Variants in IFRD1 observed in about 807,000 individuals in gnomAD.
The protein encoded by IFRD1 is interferon-related developmental regulator 1.
A neutral mutation model predicts 52.9 loss-of-function variants in IFRD1; 35 were observed. The observed-to-expected ratio is 0.66, with a 90% CI of 0.51 to 0.88. IFRD1 has a LOEUF of 0.88. Among genes scored for constraint, IFRD1 ranks in the 40% least tolerant of loss-of-function variants. IFRD1 has a pLI of 0.00. For synonymous variants in IFRD1, 184 were observed against 188.4 expected, an observed-to-expected ratio of 0.98 and a Z score of 0.19; for missense variants, 517 against 550.8, an observed-to-expected ratio of 0.94 and a Z score of 0.61.
intron 9 of IFRD1, among the ~76,000 whole-genome samples, chr7:112,470,868 A>G (rs1584502477): frequency 6.6e-6 from 1 of 152,244 alleles, no homozygotes; most frequent in Non-Finnish European, 1.5e-5. Context: ...CATGTTCAGT[A>G]TAGTTGCAAT....
intron 11 of IFRD1, among the ~76,000 whole-genome samples, chr7:112,473,815 C>T (rs568063852): frequency 6.6e-6 from 1 of 152,196 alleles, no homozygotes; most frequent in East Asian, 1.9e-4. Context: ...AGTTCAGTGG[C>T]ACTTATTACA....
chr7:112,471,043 C>T (rs114752278), intron 9 of IFRD1, among the ~76,000 whole-genome samples: 60 of 152,198 alleles, frequency 3.9e-4, no homozygotes, highest in African/African-American at 1.4e-3. Context: ...GGTAAGGATG[C>T]TGATGACTTT....
rs1394616214 is a variant in IFRD1 at position 112,462,362 on chromosome 7, C to T, written c.890C>T (p.Ala297Val). 1 of 1,608,984 alleles carries T rather than the reference C, an allele frequency of 6.2e-7. No individual in the cohort carries two copies. The highest frequency in any genetic ancestry group is 1.1e-5 in the South Asian group (1 of 90,952). ...TCTTTGGCACTTCTCTTTGAATTGGCCAGAGGAATAGAGAGTGTAAGTATC... is the reference window on the plus strand; with the variant it reads ...TCTTTGGCACTTCTCTTTGAATTGGTCAGAGGAATAGAGAGTGTAAGTATC... ...GESLALLFEL[A>V]RGIESDFFYE... The change falls in exon 8 of 12, where the codon GCC (alanine) becomes GTC (valine). Residue 297 changes from alanine to valine, a missense_variant. Physicochemically the swap from Ala to Val is moderately conservative, Grantham distance 64. Coordinates refer to ENST00000403825, the MANE Select transcript of IFRD1 (RefSeq NM_001550.4).
chr7:112,464,988 A>G (rs1327389306), intron 8 of IFRD1, among the ~76,000 whole-genome samples: 3 of 152,212 alleles, frequency 2.0e-5, no homozygotes, highest in South Asian at 4.1e-4. Context: ...GTGTAAAAAT[A>G]TCTCCATACC....
intron 11 of IFRD1, among the ~76,000 whole-genome samples, 174 bp downstream of exon 11, chr7:112,473,035 T>C (rs1438406017): frequency 1.4e-5 from 1 of 69,132 alleles, no homozygotes; most frequent in Non-Finnish European, 3.8e-5. Flanking sequence ...GGGGCGTGTG[T>C]GTGTGTGTGT....
intron 1 of IFRD1, among the ~76,000 whole-genome samples, chr7:112,439,490 T>C (rs770228401): frequency 6.6e-6 from 1 of 152,180 alleles, no homozygotes; most frequent in Non-Finnish European, 1.5e-5. Context: ...ATTAAAAGCA[T>C]TTATTATAAT....
intron 5 of IFRD1, chr7:112,461,403 T>G (rs942005618): frequency 2.0e-5 from 3 of 153,424 alleles, no homozygotes; most frequent in African/African-American, 7.2e-5. Context: ...GCTTTCTATC[T>G]TTGAATTACA....
intron 9 of IFRD1, among the ~76,000 whole-genome samples, chr7:112,471,090 C>CTTAATGT (rs1795733145): frequency 6.6e-6 from 1 of 152,094 alleles, no homozygotes. Context: ...TTCTTGGTGC[C>CTTAATGT]TTAATGTTTT....
chr7:112,448,073 T>C (rs919256326), upstream of IFRD1, among the ~76,000 whole-genome samples: 2 of 150,888 alleles, frequency 1.3e-5, no homozygotes, highest in African/African-American at 2.4e-5. Flanking sequence ...ACACTTCCTT[T>C]TGTGCCATGA....
chr7:112,442,716 A>AG (rs1455874902), intron 1 of IFRD1, among the ~76,000 whole-genome samples: 1 of 152,216 alleles, frequency 6.6e-6, no homozygotes, highest in Non-Finnish European at 1.5e-5. Context: ...TTGCTGGACT[A>AG]GGGACTTTAT....
At chr7:112,466,595 G>A (rs887861656) in intron 8 of IFRD1, among the ~76,000 whole-genome samples, 2 of 152,092 alleles carry the variant, frequency 1.3e-5, no homozygotes, top group African/African-American at 4.8e-5. Flanking sequence ...GATGTTCAAT[G>A]GGAGGTAAGA....
chr7:112,426,427 G>T (rs1444534198), intron 1 of IFRD1, among the ~76,000 whole-genome samples: 2 of 152,200 alleles, frequency 1.3e-5, no homozygotes, highest in African/African-American at 4.8e-5. Flanking sequence ...TGCTATAACA[G>T]AATAGCACAG....
intron 1 of IFRD1, among the ~76,000 whole-genome samples, chr7:112,433,603 T>C (rs1359703396): frequency 6.6e-6 from 1 of 152,188 alleles, no homozygotes; most frequent in Non-Finnish European, 1.5e-5. Flanking sequence ...GGCAATCTAG[T>C]CCCCAGGCAG....
Position 112,476,129 on chromosome 7 carries a change from T to A in IFRD1, c.*610T>A, listed in dbSNP as rs1795895411. ...AACATCTGAGAGCAGTAACACTGAT[T>A]TTATCTGCTGTATGAGACTTTGTGC... On this transcript the variant is annotated 3_prime_UTR_variant, in exon 12 of 12. Transcript: ENST00000403825. The A allele has an allele frequency of 6.6e-6, 1 of 152,384 alleles. No individual in the cohort carries two copies. Among genetic ancestry groups the A allele is most frequent in the Non-Finnish European group, 1.5e-5 (1 of 68,204 alleles). The allele number at this position is 152,384 out of a possible 1,614,324, so 9.4% of individuals were successfully genotyped here.
chr7:112,463,808 A>G (rs1011850659), intron 8 of IFRD1, among the ~76,000 whole-genome samples: 5 of 151,308 alleles, frequency 3.3e-5, no homozygotes, highest in African/African-American at 1.2e-4. Context: ...ATATATAGAC[A>G]CATACATACA....
chr7:112,463,888 A>C (rs1262061570), intron 8 of IFRD1, among the ~76,000 whole-genome samples: 6 of 39,194 alleles, frequency 1.5e-4, no homozygotes, highest in African/African-American at 1.4e-3. Context: ...ACACACACAC[A>C]CACACACCCC....
chr7:112,457,778 A>T (rs924728195), intron 4 of IFRD1: 1 of 152,124 alleles, frequency 6.6e-6, no homozygotes, highest in Admixed American at 6.5e-5. Context: ...TAAGAACATT[A>T]TGAAAATAAT....
At chr7:112,441,605 C>A (rs190522987) in intron 1 of IFRD1, among the ~76,000 whole-genome samples, 3 of 152,318 alleles carry the variant, frequency 2.0e-5, no homozygotes, top group Admixed American at 2.0e-4. Context: ...CTCCTCTCTG[C>A]AAACTGTCTT....
rs1563271275 is a variant in IFRD1 at position 112,467,962 on chromosome 7, A to G, written c.907-19A>G. Reference sequence around the variant, plus strand: ...AGAAAAATAATAATAAAGGAAACAAAATTGCTTTTCTTGTCCAGGACTTTT... The same window carrying G: ...AGAAAAATAATAATAAAGGAAACAAGATTGCTTTTCTTGTCCAGGACTTTT... On this transcript the variant is annotated intron_variant, in intron 8 of 11. Transcript: ENST00000403825. 1.2e-6 allele frequency: 2 copies of G among 1,612,222 alleles called. No homozygotes were observed. Among genetic ancestry groups the G allele is most frequent in the Non-Finnish European group, 1.7e-6 (2 of 1,178,406 alleles).
Sources: allele counts gnomAD v4.1 joint callset (sites outside exome capture counted in the v4.1 genomes callset), GRCh38; gene constraint gnomAD v4.1.1; transcripts MANE v1.5; gene names NCBI Gene and HGNC (gene_info 2026-07-23, HGNC 2026-07-21).